MED26: variants seen among roughly 807,000 people sequenced by gnomAD.
MED26 encodes mediator of RNA polymerase II transcription subunit 26.
In MED26, 7 loss-of-function variants were observed where a neutral mutation model predicts 43.7. That is an observed-to-expected ratio of 0.16 (90% CI 0.09 to 0.30). The LOEUF is 0.30. Among genes scored for constraint, MED26 ranks in the 10% least tolerant of loss-of-function variants. The probability of loss-of-function intolerance (pLI) is 1.00; values close to 1 mark genes in which losing one functional copy is unlikely to be tolerated. For missense variants in MED26, 784 were observed against 840.6 expected (o/e 0.93, Z 0.83); for synonymous variants, 375 against 371.1 (o/e 1.01, Z -0.12).
At chr19:16,616,243 T>G (rs180962098) in intron 1 of MED26, among the ~76,000 whole-genome samples, 1 of 144,880 alleles carries the variant, frequency 6.9e-6, no homozygotes, top group African/African-American at 2.9e-5. Flanking sequence ...CTATGCAGCA[T>G]TTTTTACATC....
At chr19:16,625,724 C>T (rs1227027234) in intron 1 of MED26, among the ~76,000 whole-genome samples, 2 of 152,200 alleles carry the variant, frequency 1.3e-5, no homozygotes, top group Non-Finnish European at 2.9e-5. Context: ...ACATGCCCGG[C>T]TCTCACCATC....
intron 1 of MED26, among the ~76,000 whole-genome samples, chr19:16,616,676 G>C (rs1008501676): frequency 1.3e-5 from 2 of 152,348 alleles, no homozygotes; most frequent in African/African-American, 4.8e-5. Context: ...GCACAGGAGA[G>C]AGCAAGTGTC....
chr19:16,626,853 G>A (rs908061883), intron 1 of MED26, among the ~76,000 whole-genome samples: 1 of 151,864 alleles, frequency 6.6e-6, no homozygotes, highest in Non-Finnish European at 1.5e-5. Flanking sequence ...CTCCTGCCGC[G>A]GGAAGAATGA....
intron 1 of MED26, among the ~76,000 whole-genome samples, chr19:16,625,685 T>C (rs527563010): frequency 2.0e-4 from 31 of 152,246 alleles, no homozygotes; most frequent in African/African-American, 7.2e-4. Flanking sequence ...TGAGCCCACA[T>C]TGATCCAAGA....
At chr19:16,617,904 G>A (rs1275514529) in intron 1 of MED26, among the ~76,000 whole-genome samples, 1 of 152,198 alleles carries the variant, frequency 6.6e-6, no homozygotes, top group Non-Finnish European at 1.5e-5. Flanking sequence ...GACTTAACAT[G>A]TGGCCCGTTT....
chr19:16,584,952 T>C (rs1232506235), intron 1 of MED26, among the ~76,000 whole-genome samples: 5 of 152,200 alleles, frequency 3.3e-5, no homozygotes. Context: ...CAACTCCTCA[T>C]AGTGGCTTCA....
At chr19:16,622,390 G>A (rs1246095529) in intron 1 of MED26, among the ~76,000 whole-genome samples, 1 of 152,224 alleles carries the variant, frequency 6.6e-6, no homozygotes, top group Non-Finnish European at 1.5e-5. Context: ...CAGCACACGA[G>A]CACTTGCTAA....
intron 1 of MED26, among the ~76,000 whole-genome samples, chr19:16,614,142 G>A (rs577442560): frequency 3.3e-5 from 5 of 152,278 alleles, no homozygotes; most frequent in South Asian, 4.1e-4. Flanking sequence ...ACTGAGGCTC[G>A]GAGACATTAA....
At chr19:16,601,795 C>G (rs1426971356) in intron 1 of MED26, among the ~76,000 whole-genome samples, 1 of 152,268 alleles carries the variant, frequency 6.6e-6, no homozygotes, top group Non-Finnish European at 1.5e-5. Context: ...CCCGGCAGGC[C>G]ACCCCGGGCC....
Position 16,576,025 on chromosome 19 carries a change from G to C in MED26, c.*2C>G, listed in dbSNP as rs149602965. 2 of 1,603,564 alleles carry C rather than the reference G, an allele frequency of 1.2e-6. No homozygotes were observed. Among genetic ancestry groups the C allele is most frequent in the South Asian group, 1.1e-5 (1 of 90,782 alleles). On this transcript the variant is annotated 3_prime_UTR_variant, in exon 3 of 3. Coordinates refer to ENST00000263390, the MANE Select transcript of MED26 (RefSeq NM_004831.5). The surrounding 1 kb of genome is among the most constrained non-coding windows in gnomAD (Gnocchi z 6.8). ...GAATGCACTTTGTGGCTGACAGGCC[G>C]GTCAGTCCAAGCAGACATAAGGCAG...
chr19:16,619,016 A>G (rs770844009), intron 1 of MED26, among the ~76,000 whole-genome samples: 2 of 152,154 alleles, frequency 1.3e-5, no homozygotes, highest in African/African-American at 2.4e-5. Flanking sequence ...TTGGGCCTGC[A>G]TGACCATCAG....
chr19:16,582,735 G>A (rs2086052044), intron 1 of MED26, among the ~76,000 whole-genome samples: 1 of 152,340 alleles, frequency 6.6e-6, no homozygotes, highest in South Asian at 2.1e-4. Flanking sequence ...CTCCCAGGGA[G>A]GTCAAAAAAG....
chr19:16,576,319 G>A lies in MED26; in HGVS notation c.1511C>T (p.Thr504Ile). Residue 504 changes from threonine to isoleucine, a missense_variant, in exon 3 of 3, where the codon ACC becomes ATC. Thr to Ile is a moderately conservative substitution (Grantham distance 89). Transcript: ENST00000263390. This position sits in a 1 kb window ranked among gnomAD's most constrained non-coding sequence, Gnocchi z 6.8. ...AGACATGAAGTGGTGAGCCCCTGGG[G>A]TCTGCGCGCCCGATGATGAGAGCAG... ...SSLLSSSGAQ[T>I]PGAHHFMSEY... is the part of the protein sequence containing the mutation. The A allele has an allele frequency of 1.2e-6, 2 of 1,613,592 alleles. No homozygotes were observed. The highest frequency in any genetic ancestry group is 1.7e-6 in the Non-Finnish European group (2 of 1,180,032).
At chr19:16,618,288 C>T (rs2086235036) in intron 1 of MED26, among the ~76,000 whole-genome samples, 1 of 152,084 alleles carries the variant, frequency 6.6e-6, no homozygotes, top group African/African-American at 2.4e-5. Context: ...TGGACCGCAC[C>T]ACCTCCCCCA....
At chr19:16,578,566 T>C (rs1488675006) in intron 1 of MED26, 157 bp from the exon 2 acceptor site, 3 of 639,080 alleles carry the variant, frequency 4.7e-6, no homozygotes, top group Non-Finnish European at 8.2e-6. Context: ...ACCTGCTCCC[T>C]GGGCCAACCT....
chr19:16,582,688 A>G (rs535100395), intron 1 of MED26, among the ~76,000 whole-genome samples: 194 of 152,182 alleles, frequency 1.3e-3, no homozygotes, highest in Non-Finnish European at 2.1e-3. Context: ...CAGGGCAGGG[A>G]GGCAGGCCAC....
At chr19:16,590,458 C>T (rs779166524) in intron 1 of MED26, among the ~76,000 whole-genome samples, 6 of 152,208 alleles carry the variant, frequency 3.9e-5, no homozygotes. Flanking sequence ...AATGCCTCTT[C>T]TACTCCTAGT....
chr19:16,620,033 GC>G (rs1459682285), intron 1 of MED26, among the ~76,000 whole-genome samples: 1 of 152,202 alleles, frequency 6.6e-6, no homozygotes, highest in African/African-American at 2.4e-5. Context: ...CTAAGATCAA[GC>G]GCCGCCTTCT....
At chr19:16,624,475 G>A (rs888947540) in intron 1 of MED26, 1 of 152,186 alleles carries the variant, frequency 6.6e-6, no homozygotes, top group Non-Finnish European at 1.5e-5. Flanking sequence ...TCTTTGCTGC[G>A]GGACCTTCTC....
Sources: allele counts gnomAD v4.1 joint callset (sites outside exome capture counted in the v4.1 genomes callset), GRCh38; gene constraint gnomAD v4.1.1; non-coding constraint Gnocchi (gnomAD v3.1); transcripts MANE v1.5; gene names NCBI Gene and HGNC (gene_info 2026-07-23, HGNC 2026-07-21).